DPP10: variants seen among roughly 807,000 people sequenced by gnomAD.
DPP10 encodes dipeptidyl peptidase like 10.
A neutral mutation model predicts 120.9 loss-of-function variants in DPP10; 33 were observed. The ratio of observed to expected loss-of-function variants is 0.27; its 90% CI spans 0.21 to 0.37. The LOEUF (loss-of-function observed/expected upper bound fraction) is 0.37, where lower values mean the gene tolerates loss of function less well. DPP10 is among the 10% of genes least tolerant of loss of function. DPP10 has a pLI of 1.00. For synonymous variants in DPP10, 337 were observed against 326.1 expected (o/e 1.03, Z -0.36); for missense variants, 816 against 942.8 (o/e 0.87, Z 1.76).
chr2:115,372,315 T>G (rs1029212808), intron 3 of DPP10, among the ~76,000 whole-genome samples: 1 of 152,150 alleles, frequency 6.6e-6, no homozygotes, highest in Non-Finnish European at 1.5e-5. Flanking sequence ...GATTTTTTTC[T>G]TTTTAATTGC....
At position 115,727,883 on chromosome 2, in the gene DPP10, C is replaced by G. The variant is rs1443881923; in HGVS notation, c.644C>G (p.Ser215Cys). The G allele has an allele frequency of 6.2e-7, 1 of 1,606,950 alleles. No homozygotes were observed. Among genetic ancestry groups the G allele is most frequent in the Admixed American group, 1.7e-5 (1 of 58,722 alleles). ...DIKSSSLRLT[S>C]SGKEEIIFNG... is the part of the protein sequence containing the mutation. ...AAGAGCAGTTCATTGCGACTGACAT[C>G]TTCTGGAAAAGAAGAAATAATTTTT... The change falls in exon 8 of 26, where the codon TCT (serine) becomes TGT (cysteine). Residue 215 changes from serine (S) to cysteine (C), a missense_variant. Ser to Cys is a moderately radical substitution (Grantham distance 112, BLOSUM62 -1). Around this residue, in one of 3 missense-constraint regions of DPP10, gnomAD observed 42 missense variants for 86.4 expected, o/e 0.49. Transcript: ENST00000410059.
chr2:115,490,109 C>T (rs1413016880), intron 3 of DPP10, among the ~76,000 whole-genome samples: 5 of 152,160 alleles, frequency 3.3e-5, no homozygotes, highest in South Asian at 2.1e-4. Flanking sequence ...AACCCAGGTA[C>T]ACCTTCCTTG....
intron 1 of DPP10, among the ~76,000 whole-genome samples, chr2:115,206,672 G>T (rs534421982): frequency 6.6e-6 from 1 of 152,230 alleles, no homozygotes; most frequent in African/African-American, 2.4e-5. Flanking sequence ...AACATTTTTG[G>T]CAGGGGATGG....
chr2:115,463,768 C>T (rs1172566642), intron 3 of DPP10, among the ~76,000 whole-genome samples: 8 of 152,228 alleles, frequency 5.3e-5, no homozygotes, highest in Admixed American at 3.3e-4. Context: ...TCAACCAGTA[C>T]CTCTCTACCT....
intron 1 of DPP10, among the ~76,000 whole-genome samples, chr2:114,620,831 A>G (rs1694037386): frequency 6.6e-6 from 1 of 152,058 alleles, no homozygotes; most frequent in African/African-American, 2.4e-5. Context: ...TACCTTATGC[A>G]TGATTTTCTT....
chr2:114,622,461 A>G (rs544278215), intron 1 of DPP10, among the ~76,000 whole-genome samples: 1 of 148,196 alleles, frequency 6.7e-6, no homozygotes, highest in South Asian at 2.1e-4. Context: ...TGATTGCTAT[A>G]TCTTGTGCAG....
At chr2:114,595,116 G>A (rs1007386515) in intron 1 of DPP10, among the ~76,000 whole-genome samples, 1 of 152,030 alleles carries the variant, frequency 6.6e-6, no homozygotes, top group Admixed American at 6.6e-5. Context: ...TCCCTGACAT[G>A]TATCAAATTT....
chr2:114,940,195 C>T (rs1344620704), intron 1 of DPP10, among the ~76,000 whole-genome samples: 3 of 152,256 alleles, frequency 2.0e-5, no homozygotes, highest in Admixed American at 1.3e-4. Flanking sequence ...AATGCACAAT[C>T]GAATTTTTTC....
At chr2:115,537,569 T>TG (rs1201030241) in intron 5 of DPP10, among the ~76,000 whole-genome samples, 1 of 150,948 alleles carries the variant, frequency 6.6e-6, no homozygotes, top group Non-Finnish European at 1.5e-5. Context: ...CACTGTTTTT[T>TG]TTTTTTTTTT....
At chr2:115,199,355 C>T (rs2055525065) in intron 1 of DPP10, among the ~76,000 whole-genome samples, 1 of 152,020 alleles carries the variant, frequency 6.6e-6, no homozygotes, top group South Asian at 2.1e-4. Context: ...AGTGTAGAGA[C>T]TATCACTGTC....
chr2:115,334,235 T>TTTTTTTTTTTTTGTTTTTTG (rs1416607646), intron 2 of DPP10, among the ~76,000 whole-genome samples: 1 of 133,148 alleles, frequency 7.5e-6, no homozygotes, highest in African/African-American at 2.6e-5. Flanking sequence ...ACTCTGTTTT[T>TTTTTTTTTTTTTGTTTTTTG]TTTTTTTTTT....
At chr2:115,552,929 T>C (rs1285176484) in intron 5 of DPP10, among the ~76,000 whole-genome samples, 1 of 152,110 alleles carries the variant, frequency 6.6e-6, no homozygotes, top group Non-Finnish European at 1.5e-5. Context: ...AAAGTTACAC[T>C]TTAAATTCCT....
At chr2:115,294,169 TAGGG>T (rs1344280574) in intron 1 of DPP10, among the ~76,000 whole-genome samples, 1 of 152,042 alleles carries the variant, frequency 6.6e-6, no homozygotes, top group Non-Finnish European at 1.5e-5. Flanking sequence ...ATGAGCAGAC[TAGGG>T]AGGGATGCCT....
intron 1 of DPP10, among the ~76,000 whole-genome samples, chr2:114,668,353 G>T (rs889187951): frequency 2.0e-5 from 3 of 152,112 alleles, no homozygotes; most frequent in African/African-American, 4.8e-5. Flanking sequence ...ATGTCCTAGC[G>T]CAGAAAGAAA....
intron 1 of DPP10, among the ~76,000 whole-genome samples, chr2:114,587,691 A>G (rs1691118987): frequency 6.6e-6 from 1 of 152,250 alleles, no homozygotes. Flanking sequence ...GTTTTAAAAT[A>G]GAGCAATAAA....
intron 1 of DPP10, among the ~76,000 whole-genome samples, chr2:114,991,541 C>T (rs2104929976): frequency 6.6e-6 from 1 of 152,228 alleles, no homozygotes; most frequent in East Asian, 1.9e-4. Flanking sequence ...TATTTTACTG[C>T]CAACAACATA....
chr2:115,726,149 A>G (rs1408022787), intron 7 of DPP10, among the ~76,000 whole-genome samples: 5 of 152,232 alleles, frequency 3.3e-5, no homozygotes, highest in East Asian at 1.9e-4. Flanking sequence ...TTGCCTTCCT[A>G]CTATTAATAC....
At chr2:114,570,084 T>C (rs2105006546) in intron 1 of DPP10, among the ~76,000 whole-genome samples, 1 of 152,264 alleles carries the variant, frequency 6.6e-6, no homozygotes, top group Admixed American at 6.5e-5. Context: ...GATGAGAAGT[T>C]TGTCTCCTTC....
intron 1 of DPP10, among the ~76,000 whole-genome samples, chr2:114,464,355 G>A (rs1031951469): frequency 2.0e-5 from 3 of 152,116 alleles, no homozygotes; most frequent in Non-Finnish European, 4.4e-5. Context: ...ATAATGCTGA[G>A]TATCTCTTTA....
Sources: gnomAD v4.1 joint callset for allele counts (sites outside exome capture counted in the v4.1 genomes callset) on GRCh38, gnomAD v4.1.1 for gene constraint, gnomAD v4.1.1 regional missense constraint, MANE v1.5 for transcripts, NCBI Gene and HGNC (gene_info 2026-07-23, HGNC 2026-07-21) for gene names.